The following ACO2 variants were observed in gnomAD, a reference collection of about 807,000 sequenced individuals.
ACO2 encodes the protein aconitase 2.
ACO2 carries 31 observed loss-of-function variants against 84.5 expected under a neutral mutation model. The ratio of observed to expected loss-of-function variants is 0.37; its 90% CI spans 0.28 to 0.50. The LOEUF is 0.50. ACO2 is among the 20% of genes least tolerant of loss of function. The pLI is 0.97. For synonymous variants in ACO2, 414 were observed against 412.7 expected (o/e 1.00, Z -0.04); for missense variants, 685 against 1,029.3 (o/e 0.67, Z 4.58).
At chr22:41,503,931 T>C (rs1446434656) in intron 2 of ACO2, among the ~76,000 whole-genome samples, 2 of 152,126 alleles carry the variant, frequency 1.3e-5, no homozygotes, top group African/African-American at 4.8e-5. Context: ...AATTATATTC[T>C]AGCCGGGTAT....
At chr22:41,506,933 C>A (rs900953163) in intron 2 of ACO2, among the ~76,000 whole-genome samples, 10 of 151,884 alleles carry the variant, frequency 6.6e-5, no homozygotes, top group Non-Finnish European at 1.5e-5. Context: ...GGGAGTCAGC[C>A]GGAACGTTGA....
chr22:41,523,769 C>G, intron 11 of ACO2, 61 bp from the exon 12 acceptor site: 5 of 1,459,190 alleles, frequency 3.4e-6, no homozygotes, highest in Non-Finnish European at 4.8e-6. Flanking sequence ...CTTATCTGTC[C>G]TCGGGACAGG....
At chr22:41,516,631 GCAGGTGGC>G (rs1218911803) in intron 6 of ACO2, among the ~76,000 whole-genome samples, 7 of 152,350 alleles carry the variant, frequency 4.6e-5, no homozygotes, top group African/African-American at 1.7e-4. Flanking sequence ...GGCTCCTGAG[GCAGGTGGC>G]CTGGTAGCAG....
chr22:41,487,123 A>T (rs553119982), intron 1 of ACO2, among the ~76,000 whole-genome samples: 1 of 152,112 alleles, frequency 6.6e-6, no homozygotes, highest in Non-Finnish European at 1.5e-5. Context: ...TCCTCAGGTG[A>T]TTCACCCACC....
intron 2 of ACO2, among the ~76,000 whole-genome samples, chr22:41,505,907 T>A (rs936866533): frequency 6.6e-6 from 1 of 152,152 alleles, no homozygotes; most frequent in Admixed American, 6.6e-5. Flanking sequence ...TGTATGCCAA[T>A]TATACCTCTG....
chr22:41,484,209 C>A (rs997662115), intron 1 of ACO2, among the ~76,000 whole-genome samples: 4 of 152,156 alleles, frequency 2.6e-5, no homozygotes, highest in Non-Finnish European at 5.9e-5. Context: ...GTATCAAATA[C>A]TACTAATAAA....
At chr22:41,510,720 C>T (rs991984778) in intron 3 of ACO2, among the ~76,000 whole-genome samples, 7 of 152,226 alleles carry the variant, frequency 4.6e-5, no homozygotes, top group African/African-American at 1.7e-4. Flanking sequence ...CCCATGTCTT[C>T]CAGATAAACC....
At chr22:41,517,142 C>G (rs1433207801) in intron 6 of ACO2, among the ~76,000 whole-genome samples, 1 of 152,176 alleles carries the variant, frequency 6.6e-6, no homozygotes, top group Non-Finnish European at 1.5e-5. Flanking sequence ...CCAGTTCCTC[C>G]CCTGCCAAAA....
intron 4 of ACO2, among the ~76,000 whole-genome samples, chr22:41,512,553 C>A (rs1046884636): frequency 1.3e-5 from 2 of 152,122 alleles, no homozygotes; most frequent in Non-Finnish European, 2.9e-5. Flanking sequence ...GGAGCGAGTG[C>A]CCCATGCCAC....
intron 1 of ACO2, among the ~76,000 whole-genome samples, chr22:41,498,774 T>C (rs2066333231): frequency 6.6e-6 from 1 of 152,120 alleles, no homozygotes; most frequent in Non-Finnish European, 1.5e-5. Context: ...TTCTATAAAG[T>C]AGAAGTAAGT....
intron 1 of ACO2, among the ~76,000 whole-genome samples, chr22:41,473,243 G>A (rs762343309): frequency 5.3e-5 from 8 of 152,160 alleles, no homozygotes; most frequent in Admixed American, 3.3e-4. Context: ...GGTGGCTCAC[G>A]CCTGTAATTC....
chr22:41,523,512 G>C (rs2066544837), intron 11 of ACO2, among the ~76,000 whole-genome samples: 1 of 152,234 alleles, frequency 6.6e-6, no homozygotes, highest in Non-Finnish European at 1.5e-5. Context: ...GCTGGCAGGA[G>C]GAAGCCAGCG....
intron 6 of ACO2, chr22:41,517,280 C>T: frequency 2.1e-6 from 1 of 479,780 alleles, no homozygotes; most frequent in South Asian, 2.1e-5. Context: ...CACCTGAGTC[C>T]TCTTCATTCT....
chr22:41,479,714 C>T (rs1233423846), intron 1 of ACO2, among the ~76,000 whole-genome samples: 1 of 152,214 alleles, frequency 6.6e-6, no homozygotes, highest in East Asian at 1.9e-4. Context: ...TATTCCTTGA[C>T]TGAGCTTCAG....
intron 1 of ACO2, among the ~76,000 whole-genome samples, chr22:41,479,157 G>T (rs1043558758): frequency 1.2e-4 from 18 of 152,230 alleles, no homozygotes; most frequent in African/African-American, 4.1e-4. Flanking sequence ...AGTAGGTGGG[G>T]GAATTTGCTG....
chr22:41,523,189 CCT>C lies in ACO2; in HGVS notation c.1297-10_1297-9del, dbSNP rs2066541263. The stretch of plus-strand genomic sequence containing the variant: ...TCACCCACCCTTGACATTCTGTCTT[CCT>C]CTCTCCCTGGCAGGCACAGATCTTG... On this transcript the variant is annotated splice_polypyrimidine_tract_variant and intron_variant, in intron 10 of 17. Coordinates refer to ENST00000216254, the MANE Select transcript of ACO2 (RefSeq NM_001098.3). 1 of 1,608,256 alleles carries C rather than the reference CCT, an allele frequency of 6.2e-7. No individual in the cohort carries two copies. Among genetic ancestry groups the C allele is most frequent in the Non-Finnish European group, 8.5e-7 (1 of 1,176,454 alleles).
intron 1 of ACO2, among the ~76,000 whole-genome samples, chr22:41,484,016 A>T (rs2038120416): frequency 6.6e-6 from 1 of 152,134 alleles, no homozygotes; most frequent in Non-Finnish European, 1.5e-5. Context: ...GTCGTAGCCG[A>T]TGGAGAGTTT....
rs145163491 is a variant in ACO2, at chr22:41,505,840, A to G, written c.174-1951A>G. Among the ~76,000 whole-genome samples the G allele has an allele frequency of 7.2e-4, 110 of 152,298 alleles. 2 individuals carry two copies. The East Asian group carries it at 0.014, about 20-fold the overall frequency. On this transcript the variant is annotated intron_variant, in intron 2 of 17. Coordinates refer to ENST00000216254, the MANE Select transcript of ACO2 (RefSeq NM_001098.3). ...GTATCTTGATTGTGGTGCTGGTTTCACAGGTGTATACAGTGTCAAAACTTA... is the reference window on the plus strand; with the variant it reads ...GTATCTTGATTGTGGTGCTGGTTTCGCAGGTGTATACAGTGTCAAAACTTA...
At chr22:41,520,612 A>T (rs2066516558) in intron 9 of ACO2, among the ~76,000 whole-genome samples, 1 of 151,564 alleles carries the variant, frequency 6.6e-6, no homozygotes, top group South Asian at 2.1e-4. Context: ...GGAGGCCGAG[A>T]TGGGTGGATC....
Sources: allele counts gnomAD v4.1 joint callset (sites outside exome capture counted in the v4.1 genomes callset), GRCh38; gene constraint gnomAD v4.1.1; transcripts MANE v1.5; gene names NCBI Gene and HGNC (gene_info 2026-07-23, HGNC 2026-07-21).